The following CABIN1 variants were observed in gnomAD, a reference collection of about 807,000 sequenced individuals.
CABIN1 encodes the protein calcineurin binding protein 1.
Under a neutral mutation model 227.7 loss-of-function variants are expected in CABIN1, and 133 were observed. The observed-to-expected ratio is 0.58, with a 90% CI of 0.51 to 0.67. The LOEUF (loss-of-function observed/expected upper bound fraction) is 0.67, where lower values mean the gene tolerates loss of function less well. Among genes scored for constraint, CABIN1 ranks in the 30% least tolerant of loss-of-function variants. The pLI is 0.00. For missense variants in CABIN1, 2,408 were observed against 2,852.5 expected, an observed-to-expected ratio of 0.84 and a Z score of 3.55; for synonymous variants, 1,086 against 1,155.1, an observed-to-expected ratio of 0.94 and a Z score of 1.21.
intron 19 of CABIN1, among the ~76,000 whole-genome samples, chr22:24,077,223 G>A (rs2040504767): frequency 1.3e-5 from 2 of 152,044 alleles, no homozygotes; most frequent in Admixed American, 6.5e-5. Flanking sequence ...TTAACCTCTA[G>A]CATGCTGTGT....
chr22:24,111,450 A>G (rs965643478), intron 26 of CABIN1, among the ~76,000 whole-genome samples: 3 of 152,126 alleles, frequency 2.0e-5, no homozygotes, highest in Non-Finnish European at 4.4e-5. Context: ...CGTGAACCCT[A>G]TTGTGAACTG....
rs574337080 is a variant in CABIN1, at chr22:24,020,492, T to A, written c.-75+9125T>A. Among the ~76,000 whole-genome samples, 15 of 152,190 alleles carry A rather than the reference T, an allele frequency of 9.9e-5. No individual in the cohort carries two copies. The East Asian group carries it at 1.2e-3, about 12-fold the overall frequency. The stretch of plus-strand genomic sequence containing the variant: ...ATGTGCCACTATACCCAGCTAATTT[T>A]AAAATTTTTTTTGTAGAGATGAGGT... On this transcript the variant is annotated intron_variant, in intron 1 of 36. Transcript: ENST00000263119.
In CABIN1 at chr22:24,153,134, G is replaced by T. The variant is rs567613117; in HGVS notation, c.4747-11266G>T. 7.8e-4 allele frequency among the ~76,000 whole-genome samples: 119 copies of T among 152,270 alleles called. 2 individuals carry two copies. The South Asian group carries it at 0.023, about 30-fold the overall frequency. ...CAGAAGCCCACCACCACTGGGGTGG[G>T]GGGTGTGAAGGTACTTACTTGGACC... On this transcript the variant is annotated intron_variant, in intron 29 of 36. Transcript: ENST00000263119.
chr22:24,023,532 C>A (rs567272575), intron 1 of CABIN1, among the ~76,000 whole-genome samples: 1 of 152,304 alleles, frequency 6.6e-6, no homozygotes, highest in Admixed American at 6.5e-5. Flanking sequence ...TTTCTACATC[C>A]TTGCCAACAC....
chr22:24,099,980 G>T (rs1351189846), intron 26 of CABIN1, among the ~76,000 whole-genome samples: 1 of 152,240 alleles, frequency 6.6e-6, no homozygotes, highest in Admixed American at 6.5e-5. Context: ...ACATATGTGT[G>T]CATGAAGCTG....
At chr22:24,086,457 G>A (rs2041171851) in intron 22 of CABIN1, among the ~76,000 whole-genome samples, 1 of 152,254 alleles carries the variant, frequency 6.6e-6, no homozygotes, top group Non-Finnish European at 1.5e-5. Flanking sequence ...CAGAGGCGTG[G>A]TCTCCCGTGG....
At chr22:24,137,860 C>T (rs1160135768) in intron 29 of CABIN1, among the ~76,000 whole-genome samples, 1 of 152,238 alleles carries the variant, frequency 6.6e-6, no homozygotes, top group East Asian at 1.9e-4. Flanking sequence ...GGGATGGGGC[C>T]ATGTCTCTGG....
chr22:24,079,051 C>T (rs979650601), intron 19 of CABIN1, among the ~76,000 whole-genome samples: 5 of 152,016 alleles, frequency 3.3e-5, no homozygotes, highest in Non-Finnish European at 7.4e-5. Flanking sequence ...ATTTTAATTG[C>T]TTTACAGGGT....
intron 15 of CABIN1, among the ~76,000 whole-genome samples, chr22:24,065,578 C>T (rs1204237117): frequency 2.0e-5 from 3 of 151,976 alleles, no homozygotes; most frequent in Non-Finnish European, 4.4e-5. Flanking sequence ...CAGGCAGAGA[C>T]GCTCCTCACT....
chr22:24,137,596 C>G (rs2044498381), intron 29 of CABIN1, among the ~76,000 whole-genome samples: 1 of 152,234 alleles, frequency 6.6e-6, no homozygotes, highest in Non-Finnish European at 1.5e-5. Flanking sequence ...TCCATGCTTC[C>G]CAGTGACCTG....
intron 29 of CABIN1, among the ~76,000 whole-genome samples, chr22:24,148,934 C>G (rs1167317277): frequency 6.6e-6 from 1 of 152,190 alleles, no homozygotes; most frequent in East Asian, 1.9e-4. Context: ...TGGCTTCAGT[C>G]TGGAAATTTG....
chr22:24,044,905 T>C (rs1217137982), intron 6 of CABIN1, among the ~76,000 whole-genome samples: 1 of 151,940 alleles, frequency 6.6e-6, no homozygotes, highest in African/African-American at 2.4e-5. Context: ...CTCTTCTTTC[T>C]GAGCCCTCAT....
chr22:24,165,725 GC>G, intron 31 of CABIN1, 99 bp downstream of exon 31: 1 of 962,228 alleles, frequency 1.0e-6, no homozygotes, highest in South Asian at 1.4e-5. Context: ...ATACCCTTAG[GC>G]AGGATGTGCC....
chr22:24,066,854 T>G, intron 15 of CABIN1, 133 bp from the exon 16 acceptor site: 1 of 798,544 alleles, frequency 1.3e-6, no homozygotes, highest in South Asian at 1.5e-5. Flanking sequence ...AGGAATCTAA[T>G]TTTTTTTGGG....
Position 24,177,037 on chromosome 22 carries a change from T to C in CABIN1, c.6206-467T>C, listed in dbSNP as rs2047156629. ...TCAGGCTCTGGGCAAACTCAGCCCCTTGCTCCCACTGGAGGATGAGGCGAA... is the reference window on the plus strand; with the variant it reads ...TCAGGCTCTGGGCAAACTCAGCCCCCTGCTCCCACTGGAGGATGAGGCGAA... On this transcript the variant is annotated intron_variant, in intron 35 of 36. Transcript: ENST00000263119. This position sits in a 1 kb window ranked among gnomAD's most constrained non-coding sequence, Gnocchi z 4.4. Among the ~76,000 whole-genome samples, 1 of 152,200 alleles carries C rather than the reference T, an allele frequency of 6.6e-6. No individual in the cohort carries two copies. Among genetic ancestry groups the C allele is most frequent in the South Asian group, 2.1e-4 (1 of 4,838 alleles).
rs1044384401 is a variant in CABIN1 at position 24,098,082 on chromosome 22, C to A, written c.4007C>A (p.Ser1336Tyr). ...GGGACACTGCCGGGCCCCGGAGCCT[C>A]CCTCCCCTCCTCCTCTGGCCCAGGT... is the stretch of plus-strand genomic sequence containing the variant. ...SAGTLPGPGA[S>Y]LPSSSGPGLT... Residue 1336 changes from serine (S) to tyrosine (Y), a missense_variant, in exon 26 of 37, where the codon TCC (serine) becomes TAC (tyrosine). By Grantham distance (144) the Ser-to-Tyr change is moderately radical. Coordinates refer to ENST00000263119, the MANE Select transcript of CABIN1 (RefSeq NM_012295.4). 3 of 1,613,828 alleles carry A rather than the reference C, an allele frequency of 1.9e-6. No homozygotes were observed. In the African/African-American group the frequency reaches 4.0e-5, roughly 22 times the overall value.
chr22:24,103,894 A>AG (rs1235935286), intron 26 of CABIN1, among the ~76,000 whole-genome samples: 7 of 152,056 alleles, frequency 4.6e-5, no homozygotes, highest in African/African-American at 1.7e-4. Flanking sequence ...GTTGGTGCCA[A>AG]GGAGGAGTGC....
chr22:24,090,810 A>G (rs2147205672), intron 23 of CABIN1, among the ~76,000 whole-genome samples: 1 of 152,238 alleles, frequency 6.6e-6, no homozygotes, highest in Non-Finnish European at 1.5e-5. Context: ...ATCCAGGACC[A>G]CAGAGAGGAG....
intron 29 of CABIN1, among the ~76,000 whole-genome samples, chr22:24,150,884 G>GT (rs1250830910): frequency 6.6e-6 from 1 of 152,198 alleles, no homozygotes; most frequent in Non-Finnish European, 1.5e-5. Context: ...CACATAAGGG[G>GT]TGGGAGGCCT....
Sources: allele counts gnomAD v4.1 joint callset (sites outside exome capture counted in the v4.1 genomes callset), GRCh38; gene constraint gnomAD v4.1.1; non-coding constraint Gnocchi (gnomAD v3.1); transcripts MANE v1.5; gene names NCBI Gene and HGNC (gene_info 2026-07-23, HGNC 2026-07-21).